Variants in DLGAP2 observed in about 807,000 individuals in gnomAD.
DLGAP2 encodes the protein disks large-associated protein 2.
A neutral mutation model predicts 100.3 loss-of-function variants in DLGAP2; 26 were observed. The observed-to-expected ratio is 0.26, with a 90% confidence interval of 0.19 to 0.36. The LOEUF is 0.36. Ranked by LOEUF, DLGAP2 falls within the 10% of genes least tolerant of loss-of-function variation. The pLI is 1.00. For synonymous variants in DLGAP2, 886 were observed against 630.1 expected (o/e 1.41, Z -6.08); for missense variants, 1,858 against 1,453.2 (o/e 1.28, Z -4.53).
At chr8:1,274,202 A>G (rs1241494896) in intron 3 of DLGAP2, among the ~76,000 whole-genome samples, 1 of 151,916 alleles carries the variant, frequency 6.6e-6, no homozygotes, top group Non-Finnish European at 1.5e-5. Flanking sequence ...TATATTTCAA[A>G]TAAATCTTAA....
At chr8:751,619 TAA>T (rs1820791257) in intron 1 of DLGAP2, among the ~76,000 whole-genome samples, 1 of 88,202 alleles carries the variant, frequency 1.1e-5, no homozygotes, top group Non-Finnish European at 3.5e-5. Flanking sequence ...CACTTTATAG[TAA>T]GTCCTTATAG....
intron 2 of DLGAP2, among the ~76,000 whole-genome samples, chr8:1,011,806 G>T (rs532089827): frequency 6.7e-6 from 1 of 150,206 alleles, no homozygotes; most frequent in East Asian, 2.0e-4. Context: ...TGGAATGAGA[G>T]TCCTCAGTCT....
At chr8:1,594,897 A>G (rs1796402927) in intron 6 of DLGAP2, among the ~76,000 whole-genome samples, 1 of 151,900 alleles carries the variant, frequency 6.6e-6, no homozygotes, top group Non-Finnish European at 1.5e-5. Context: ...ATTCTGTCCC[A>G]CCTCTGACTT....
At chr8:1,657,966 G>A (rs540674256) in intron 8 of DLGAP2, among the ~76,000 whole-genome samples, 2 of 152,276 alleles carry the variant, frequency 1.3e-5, no homozygotes, top group South Asian at 4.1e-4. Context: ...ACTTCCTTAT[G>A]CTGAGGGAGC....
intron 2 of DLGAP2, among the ~76,000 whole-genome samples, chr8:998,467 A>ATT (rs11354301): frequency 4.2e-5 from 6 of 142,730 alleles, no homozygotes; most frequent in Non-Finnish European, 3.1e-5. Flanking sequence ...TGCCCAGCTA[A>ATT]TTTTTTTTTT....
chr8:808,628 C>T (rs943623341), intron 1 of DLGAP2, among the ~76,000 whole-genome samples: 15 of 152,104 alleles, frequency 9.9e-5, no homozygotes, highest in African/African-American at 2.4e-4. Flanking sequence ...GTGAGGAGGG[C>T]GGCCGCTGTC....
chr8:1,627,872 T>C (rs1260208476), intron 7 of DLGAP2, among the ~76,000 whole-genome samples: 3 of 151,754 alleles, frequency 2.0e-5, no homozygotes, highest in Non-Finnish European at 4.4e-5. Context: ...CTGTCTGACT[T>C]ACTGTGGAGC....
intron 3 of DLGAP2, among the ~76,000 whole-genome samples, chr8:1,496,808 C>T (rs1318494423): frequency 3.3e-5 from 5 of 152,190 alleles, no homozygotes; most frequent in African/African-American, 1.2e-4. Context: ...GCCATCCGCA[C>T]GTTCGCTGCT....
At chr8:1,304,477 C>A (rs1471638352) in intron 3 of DLGAP2, among the ~76,000 whole-genome samples, 1 of 152,192 alleles carries the variant, frequency 6.6e-6, no homozygotes, top group Non-Finnish European at 1.5e-5. Context: ...TAAACACTTT[C>A]AGCAAAAGCA....
At chr8:1,475,113 T>C (rs1798896414) in intron 3 of DLGAP2, among the ~76,000 whole-genome samples, 1 of 152,028 alleles carries the variant, frequency 6.6e-6, no homozygotes, top group Non-Finnish European at 1.5e-5. Context: ...CTATCCTAAG[T>C]GAATCAACAC....
chr8:1,647,488 CAAAAAAAAAAAAAAAAAAAAAAA>C lies in DLGAP2; in HGVS notation c.1810+14458_1810+14480del, dbSNP rs567451595. Among the ~76,000 whole-genome samples, 367 of 44,988 alleles carry C rather than the reference CAAAAAAAAAAAAAAAAAAAAAAA, an allele frequency of 8.2e-3. 6 individuals carry two copies. Among genetic ancestry groups the C allele is most frequent in the African/African-American group, 0.018 (342 of 18,792 alleles). 29.5% of individuals were successfully genotyped at this position (44,988 alleles called of 152,430 possible). A position where few individuals can be genotyped will look rare whatever the true frequency, so the allele number is the denominator to read the frequency against. On this transcript the variant is annotated intron_variant, in intron 8 of 14. Transcript: ENST00000637795. ...TGGGAGACAGAGAGAGACTCTGTCT[CAAAAAAAAAAAAAAAAAAAAAAA>C]AAAAAAAAAAAAAAAGTGCATCTTT...
chr8:747,204 TTG>T (rs1820637666), intron 1 of DLGAP2, among the ~76,000 whole-genome samples: 1 of 152,040 alleles, frequency 6.6e-6, no homozygotes, highest in Non-Finnish European at 1.5e-5. Flanking sequence ...TCTTCTGAGT[TTG>T]TGTACTACCC....
chr8:1,126,968 C>G (rs944090710), intron 2 of DLGAP2, among the ~76,000 whole-genome samples: 1 of 151,528 alleles, frequency 6.6e-6, no homozygotes, highest in African/African-American at 2.4e-5. Flanking sequence ...CCCAGCCCAG[C>G]TCTTAAACTG....
chr8:1,427,752 C>G (rs1797276980), intron 3 of DLGAP2, among the ~76,000 whole-genome samples: 1 of 152,150 alleles, frequency 6.6e-6, no homozygotes, highest in African/African-American at 2.4e-5. Context: ...CCCTTCATCT[C>G]CCACCATGAT....
chr8:1,019,264 C>T (rs924070018), intron 2 of DLGAP2: 1 of 152,070 alleles, frequency 6.6e-6, no homozygotes, highest in African/African-American at 2.4e-5. Flanking sequence ...AGCTCTGCAC[C>T]TCTTACTGTT....
chr8:859,700 G>T (rs1256310955), intron 1 of DLGAP2, among the ~76,000 whole-genome samples: 1 of 152,142 alleles, frequency 6.6e-6, no homozygotes, highest in Non-Finnish European at 1.5e-5. Flanking sequence ...AGAACGAGAA[G>T]TTGTTAGAAT....
At position 1,486,199 on chromosome 8, in the gene DLGAP2, G is replaced by C. The variant is rs563564906; in HGVS notation, c.107-15167G>C. On this transcript the variant is annotated intron_variant, in intron 3 of 14. Coordinates refer to ENST00000637795, the MANE Select transcript of DLGAP2 (RefSeq NM_001346810.2). Reference sequence around the variant, plus strand: ...ACCATCCTACAGATAAGGAAACCAAGGCTTTCATTACTTGCCCCAGATCAT... The same window carrying C: ...ACCATCCTACAGATAAGGAAACCAACGCTTTCATTACTTGCCCCAGATCAT... Among the ~76,000 whole-genome samples the C allele has an allele frequency of 3.3e-5, 5 of 152,244 alleles. No individual in the cohort carries two copies. In the South Asian group the frequency reaches 1.0e-3, roughly 32 times the overall value.
chr8:1,694,877 A>G (rs1169868322), intron 13 of DLGAP2, among the ~76,000 whole-genome samples: 1 of 151,894 alleles, frequency 6.6e-6, no homozygotes, highest in Non-Finnish European at 1.5e-5. Flanking sequence ...TATTATAAAC[A>G]CCTTATCATC....
In DLGAP2 at chr8:1,125,744, A is replaced by AGACACT. The variant is rs1161817726; in HGVS notation, c.74-133106_74-133105insACACTG. Among the ~76,000 whole-genome samples the AGACACT allele has an allele frequency of 2.0e-5, 3 of 152,256 alleles. No individual in the cohort carries two copies. The East Asian group carries it at 5.8e-4, about 29-fold the overall frequency. ...AAGGTTTTACGTTGTCTTGTGTATA[A>AGACACT]GTTACTGAAACCAGTGTTTGGGAAT... On this transcript the variant is annotated intron_variant, in intron 2 of 14. Coordinates refer to ENST00000637795, the MANE Select transcript of DLGAP2 (RefSeq NM_001346810.2).
Sources: gnomAD v4.1 joint callset for allele counts (sites outside exome capture counted in the v4.1 genomes callset) on GRCh38, gnomAD v4.1.1 for gene constraint, MANE v1.5 for transcripts, NCBI Gene and HGNC (gene_info 2026-07-23, HGNC 2026-07-21) for gene names.